Variants in GDPD4 observed in about 807,000 individuals in gnomAD.
GDPD4 encodes the protein glycerophosphodiester phosphodiesterase 6.
In GDPD4, 60 loss-of-function variants were observed where a neutral mutation model predicts 67.8. The ratio of observed to expected loss-of-function variants is 0.88; its 90% confidence interval spans 0.72 to 1.10. GDPD4 has a LOEUF of 1.10. GDPD4 is among the 50% of genes least tolerant of loss of function. GDPD4 has a pLI of 0.00. For missense variants in GDPD4, 623 were observed against 613.9 expected (o/e 1.01, Z -0.16); for synonymous variants, 212 against 210.9 (o/e 1.00, Z -0.04).
chr11:77,225,885 T>G (rs935808573), intron 16 of GDPD4, among the ~76,000 whole-genome samples: 3 of 152,146 alleles, frequency 2.0e-5, no homozygotes, highest in Admixed American at 6.5e-5. Context: ...GGTCCTGACT[T>G]CTGTCTAGTC....
intron 16 of GDPD4, among the ~76,000 whole-genome samples, chr11:77,220,252 G>A (rs1373970708): frequency 1.3e-5 from 2 of 152,214 alleles, no homozygotes; most frequent in Non-Finnish European, 2.9e-5. Flanking sequence ...ATGTTGAATA[G>A]GAGTGGTGAG....
intron 10 of GDPD4, among the ~76,000 whole-genome samples, chr11:77,260,330 G>T (rs977890241): frequency 1.3e-5 from 2 of 151,064 alleles, no homozygotes; most frequent in Non-Finnish European, 2.9e-5. Flanking sequence ...GTCGGGGGAG[G>T]GGGGGGAATA....
At chr11:77,262,758 T>G (rs1959143024) in intron 10 of GDPD4, among the ~76,000 whole-genome samples, 1 of 146,158 alleles carries the variant, frequency 6.8e-6, no homozygotes, top group African/African-American at 2.6e-5. Flanking sequence ...TCCAAAACCA[T>G]TAAAAACTCT....
At chr11:77,297,896 T>C in intron 1 of GDPD4, among the ~76,000 whole-genome samples, 1 of 152,292 alleles carries the variant, frequency 6.6e-6, no homozygotes, top group East Asian at 1.9e-4. Flanking sequence ...TTAAATATAG[T>C]GGAAGAAATG....
At chr11:77,277,039 T>C (rs1959501993) in intron 4 of GDPD4, among the ~76,000 whole-genome samples, 1 of 152,124 alleles carries the variant, frequency 6.6e-6, no homozygotes, top group Non-Finnish European at 1.5e-5. Context: ...TGCCATTGCA[T>C]GTATCCAAAA....
intron 13 of GDPD4, among the ~76,000 whole-genome samples, chr11:77,242,196 AGATAT>A (rs774836263): frequency 5.5e-4 from 84 of 152,350 alleles, no homozygotes; most frequent in Admixed American, 2.5e-3. Flanking sequence ...AACATGAAAA[AGATAT>A]GATATATGTT....
intron 14 of GDPD4, among the ~76,000 whole-genome samples, chr11:77,232,775 T>G (rs2135830394): frequency 6.6e-6 from 1 of 152,330 alleles, no homozygotes; most frequent in Admixed American, 6.5e-5. Flanking sequence ...ATTCAAAGGG[T>G]TAAATGACAT....
chr11:77,225,015 G>T (rs1261837516), intron 16 of GDPD4, among the ~76,000 whole-genome samples: 1 of 151,692 alleles, frequency 6.6e-6, no homozygotes, highest in South Asian at 2.1e-4. Context: ...AAGGCAGGAG[G>T]ATTGTTTGAG....
chr11:77,248,481 T>G (rs1326664506), intron 11 of GDPD4, among the ~76,000 whole-genome samples: 1 of 152,060 alleles, frequency 6.6e-6, no homozygotes, highest in African/African-American at 2.4e-5. Context: ...ATTGCAGGCG[T>G]GAGCCACCAT....
chr11:77,290,457 A>G (rs1297040061), intron 1 of GDPD4, among the ~76,000 whole-genome samples: 1 of 152,220 alleles, frequency 6.6e-6, no homozygotes, highest in Non-Finnish European at 1.5e-5. Flanking sequence ...ATCAATAACA[A>G]GAGAAATTTT....
At chr11:77,297,510 T>TGGACG (rs1938015474) in intron 1 of GDPD4, among the ~76,000 whole-genome samples, 2 of 144,020 alleles carry the variant, frequency 1.4e-5, no homozygotes, top group Non-Finnish European at 3.0e-5. Context: ...CACTCCAGCC[T>TGGACG]GGACGACAGA....
In GDPD4 at chr11:77,270,860, A is replaced by G. The variant is rs372474812; in HGVS notation, c.400+270T>C. 5.4e-4 allele frequency: 210 copies of G among 387,728 alleles called. 1 individual carries two copies. In the Middle Eastern group the frequency reaches 6.9e-3, roughly 13 times the overall value. The allele number at this position is 387,728 out of a possible 1,614,324, so 24.0% of individuals were successfully genotyped here. On this transcript the variant is annotated intron_variant, in intron 7 of 16. Coordinates refer to ENST00000315938, the MANE Select transcript of GDPD4 (RefSeq NM_182833.3). ...CCATCCATCTTCAGACAGTCAATGTATAATAATGTAGAGAAAGATCTTATT... is the reference window on the plus strand; with the variant it reads ...CCATCCATCTTCAGACAGTCAATGTGTAATAATGTAGAGAAAGATCTTATT...
Position 77,268,917 on chromosome 11 carries a change from G to T in GDPD4, c.624+7C>A. On this transcript the variant is annotated splice_region_variant and intron_variant, in intron 9 of 16. Coordinates refer to ENST00000315938, the MANE Select transcript of GDPD4 (RefSeq NM_182833.3). Reference sequence around the variant, plus strand: ...TTTTCACCCATGTTCATCATGCTCAGACCTACCATGGGTGCACCTCTATGT... The same window carrying T: ...TTTTCACCCATGTTCATCATGCTCATACCTACCATGGGTGCACCTCTATGT... The T allele has an allele frequency of 6.2e-7, 1 of 1,613,516 alleles. No homozygotes were observed.
intron 11 of GDPD4, among the ~76,000 whole-genome samples, chr11:77,251,549 G>A (rs1338992248): frequency 3.3e-5 from 5 of 152,066 alleles, no homozygotes; most frequent in African/African-American, 1.2e-4. Flanking sequence ...ACTCTCTCCT[G>A]GTCTGGATAG....
At chr11:77,238,105 T>C (rs1291783444) in intron 13 of GDPD4, among the ~76,000 whole-genome samples, 2 of 151,928 alleles carry the variant, frequency 1.3e-5, no homozygotes, top group Non-Finnish European at 2.9e-5. Context: ...AAAGGTGCAA[T>C]AGGAAAAAGA....
At chr11:77,227,992 A>G in intron 15 of GDPD4, 76 bp from the exon 16 acceptor site, 1 of 959,430 alleles carries the variant, frequency 1.0e-6, no homozygotes, top group Non-Finnish European at 1.7e-6. Flanking sequence ...CTCCTCCAGG[A>G]TCTTCTTCCC....
At chr11:77,293,086 A>G (rs1226773099) in intron 1 of GDPD4, among the ~76,000 whole-genome samples, 1 of 152,242 alleles carries the variant, frequency 6.6e-6, no homozygotes, top group Non-Finnish European at 1.5e-5. Flanking sequence ...TACCAATTCT[A>G]TAGAAACTCT....
In GDPD4 at chr11:77,271,305, AG is replaced by A; in HGVS notation, c.295del (p.Leu99CysfsTer15). 1 of 1,613,138 alleles carries A rather than the reference AG, an allele frequency of 6.2e-7. No homozygotes were observed. Among genetic ancestry groups the A allele is most frequent in the Non-Finnish European group, 8.5e-7 (1 of 1,179,042 alleles). ...TAGGATGATGCTTACCTGCATTGACAGCCCAGCTACCAGCCACCTTTCTTTC... is the reference window on the plus strand; with the variant it reads ...TAGGATGATGCTTACCTGCATTGACACCCAGCTACCAGCCACCTTTCTTTC... The part of the protein sequence containing the change: ...FWKERWLVAG[L>X]SMQIFAPYVH... On this transcript the variant is annotated frameshift_variant, in exon 6 of 17. Coordinates refer to ENST00000315938, the MANE Select transcript of GDPD4 (RefSeq NM_182833.3). LOFTEE classifies it high-confidence loss of function.
intron 1 of GDPD4, among the ~76,000 whole-genome samples, chr11:77,300,366 G>A (rs759447418): frequency 3.3e-5 from 5 of 152,116 alleles, no homozygotes; most frequent in South Asian, 2.1e-4. Flanking sequence ...ATGTAAGGGT[G>A]CACCCTTCTA....
Sources: allele counts gnomAD v4.1 joint callset (sites outside exome capture counted in the v4.1 genomes callset), GRCh38; gene constraint gnomAD v4.1.1; transcripts MANE v1.5; gene names NCBI Gene and HGNC (gene_info 2026-07-23, HGNC 2026-07-21).